The following NBAS variants were observed in gnomAD, a reference collection of about 807,000 sequenced individuals.
NBAS encodes NBAS subunit of NRZ tethering complex, also known as NAG/BC035112 fusion.
NBAS carries 219 observed loss-of-function variants against 302.5 expected under a neutral mutation model. That is an observed-to-expected ratio of 0.72 (90% confidence interval 0.65 to 0.81). The LOEUF is 0.81. Ranked by LOEUF, NBAS falls within the 30% of genes least tolerant of loss-of-function variation. The pLI is 0.00. For synonymous variants in NBAS, 1,118 were observed against 1,021.6 expected, an observed-to-expected ratio of 1.09 and a Z score of -1.80; for missense variants, 2,932 against 2,841.6, an observed-to-expected ratio of 1.03 and a Z score of -0.72.
the NBAS span, among the ~76,000 whole-genome samples, chr2:15,087,369 G>A: frequency 2.0e-5 from 3 of 152,188 alleles, no homozygotes; most frequent in African/African-American, 7.2e-5. Context: ...CAGTCACATA[G>A]TAAGAAGTAG....
chr2:15,427,401 T>A (rs938134644), intron 22 of NBAS, among the ~76,000 whole-genome samples: 1 of 152,072 alleles, frequency 6.6e-6, no homozygotes, highest in African/African-American at 2.4e-5. Context: ...CAAAATTGCA[T>A]ACATACCATA....
chr2:14,822,952 C>T, the NBAS span, among the ~76,000 whole-genome samples: 1 of 152,184 alleles, frequency 6.6e-6, no homozygotes, highest in African/African-American at 2.4e-5. Context: ...CTAGAGAGAG[C>T]AAATGACTTT....
At chr2:15,092,350 T>A in the NBAS span, among the ~76,000 whole-genome samples, 2 of 152,208 alleles carry the variant, frequency 1.3e-5, no homozygotes, top group Non-Finnish European at 2.9e-5. Context: ...CCCAGCATGA[T>A]AAATTATGCA....
chr2:15,394,182 A>G, intron 28 of NBAS, 45 bp downstream of exon 28: 1 of 1,528,304 alleles, frequency 6.5e-7, no homozygotes, highest in Non-Finnish European at 8.8e-7. Flanking sequence ...TTTTAAAAAT[A>G]TTTAAAATTA....
At chr2:15,278,618 T>C (rs949665236) in intron 42 of NBAS, among the ~76,000 whole-genome samples, 1 of 152,202 alleles carries the variant, frequency 6.6e-6, no homozygotes, top group Non-Finnish European at 1.5e-5. Flanking sequence ...GTGTCCTCTA[T>C]GTACAAGGCA....
chr2:15,130,111 C>T, the NBAS span, among the ~76,000 whole-genome samples: 1 of 152,136 alleles, frequency 6.6e-6, no homozygotes, highest in Non-Finnish European at 1.5e-5. Flanking sequence ...ACAGATTTGC[C>T]TATTCTGGAC....
the NBAS span, among the ~76,000 whole-genome samples, chr2:14,914,413 T>C: frequency 6.6e-6 from 1 of 152,202 alleles, no homozygotes; most frequent in Admixed American, 6.5e-5. Flanking sequence ...TTTCATAATA[T>C]CAAGAGAATG....
At chr2:14,947,011 A>T in the NBAS span, among the ~76,000 whole-genome samples, 1 of 152,156 alleles carries the variant, frequency 6.6e-6, no homozygotes, top group East Asian at 1.9e-4. Context: ...ATGAAATACA[A>T]CAAAAGAAGT....
the NBAS span, among the ~76,000 whole-genome samples, chr2:14,816,217 C>T: frequency 6.6e-6 from 1 of 152,326 alleles, no homozygotes; most frequent in Non-Finnish European, 1.5e-5. Context: ...TGTCAGGAAC[C>T]GGACCACAGA....
At chr2:14,898,464 T>C in the NBAS span, among the ~76,000 whole-genome samples, 1 of 152,198 alleles carries the variant, frequency 6.6e-6, no homozygotes. Flanking sequence ...AGAGCTATTC[T>C]GTGTTTCTAA....
At chr2:15,342,059 A>C (rs1672879098) in intron 35 of NBAS, among the ~76,000 whole-genome samples, 1 of 152,178 alleles carries the variant, frequency 6.6e-6, no homozygotes, top group African/African-American at 2.4e-5. Flanking sequence ...TCAACAGTAA[A>C]CAAAACAAAG....
At chr2:14,858,176 G>A in the NBAS span, among the ~76,000 whole-genome samples, 2 of 151,962 alleles carry the variant, frequency 1.3e-5, no homozygotes, top group Admixed American at 6.6e-5. Context: ...AACAAATACT[G>A]GTGAAGAGAA....
the NBAS span, among the ~76,000 whole-genome samples, chr2:14,963,799 T>G: frequency 2.0e-5 from 3 of 152,242 alleles, no homozygotes; most frequent in Non-Finnish European, 4.4e-5. Flanking sequence ...GCTTTCCCCT[T>G]GATGATTTTG....
At chr2:14,809,132 T>G in the NBAS span, among the ~76,000 whole-genome samples, 4 of 152,152 alleles carry the variant, frequency 2.6e-5, no homozygotes, top group Non-Finnish European at 5.9e-5. Context: ...TATGGAAAAT[T>G]TGCAGCCTGA....
At chr2:15,402,853 T>C (rs1175702207) in intron 25 of NBAS, among the ~76,000 whole-genome samples, 2 of 152,198 alleles carry the variant, frequency 1.3e-5, no homozygotes, top group African/African-American at 4.8e-5. Flanking sequence ...TTAGGGTGAC[T>C]TTCTGTATAG....
the NBAS span, among the ~76,000 whole-genome samples, chr2:14,994,341 T>C: frequency 1.3e-5 from 2 of 152,172 alleles, no homozygotes; most frequent in Non-Finnish European, 2.9e-5. Flanking sequence ...AATAGAAAGA[T>C]GAGAGAGGAG....
the NBAS span, among the ~76,000 whole-genome samples, chr2:14,900,940 A>G: frequency 6.6e-6 from 1 of 152,230 alleles, no homozygotes; most frequent in Non-Finnish European, 1.5e-5. Context: ...ATCTATGCCA[A>G]GTTTGTAATT....
At chr2:14,940,128 G>C in the NBAS span, among the ~76,000 whole-genome samples, 3 of 152,156 alleles carry the variant, frequency 2.0e-5, no homozygotes, top group Admixed American at 2.0e-4. Flanking sequence ...GAGCACACAG[G>C]GAACTCAGTT....
intron 34 of NBAS, 62 bp from the exon 35 acceptor site, chr2:15,352,143 A>G (rs1041092974): frequency 1.4e-5 from 16 of 1,154,198 alleles, no homozygotes; most frequent in Non-Finnish European, 2.1e-5. Flanking sequence ...TCTCATCACA[A>G]TATAGGCTTG....
Sources: allele counts gnomAD v4.1 joint callset (sites outside exome capture counted in the v4.1 genomes callset), GRCh38; gene constraint gnomAD v4.1.1; transcripts MANE v1.5; gene names NCBI Gene and HGNC (gene_info 2026-07-23, HGNC 2026-07-21).